Variants in SYT16 observed in about 807,000 individuals in gnomAD.
The protein encoded by SYT16 is synaptotagmin-16.
In SYT16, 42 loss-of-function variants were observed where a neutral mutation model predicts 61.4. The ratio of observed to expected loss-of-function variants is 0.68; its 90% CI spans 0.53 to 0.89. The LOEUF is 0.89. Among genes scored for constraint, SYT16 ranks in the 40% least tolerant of loss-of-function variants. The probability of loss-of-function intolerance (pLI) is 0.00; values close to 1 mark genes in which losing one functional copy is unlikely to be tolerated. For synonymous variants in SYT16, 314 were observed against 302.3 expected (o/e 1.04, Z -0.40); for missense variants, 804 against 807.3 (o/e 1.00, Z 0.05).
chr14:62,050,470 C>G (rs892425420), intron 3 of SYT16, among the ~76,000 whole-genome samples: 1 of 152,186 alleles, frequency 6.6e-6, no homozygotes, highest in South Asian at 2.1e-4. Flanking sequence ...CTTCTCTCAA[C>G]TCGTCAAAGT....
chr14:61,995,426 A>G (rs1377848322), intron 2 of SYT16, among the ~76,000 whole-genome samples: 1 of 152,144 alleles, frequency 6.6e-6, no homozygotes, highest in Non-Finnish European at 1.5e-5. Flanking sequence ...AAAGCTTTTT[A>G]ATTCCAGACA....
rs558162973 is a variant in SYT16 at position 61,816,811 on chromosome 14, A to C, written c.-325+4001A>C. Among the ~76,000 whole-genome samples, 5 of 151,398 alleles carry C rather than the reference A, an allele frequency of 3.3e-5. No individual in the cohort carries two copies. In the South Asian group the frequency reaches 1.0e-3, roughly 32 times the overall value. On this transcript the variant is annotated intron_variant, in intron 1 of 7. Transcript: ENST00000683842. The stretch of plus-strand genomic sequence containing the variant: ...CGGATCACGAGGTCAGGAGATGAAG[A>C]CCATCCTGGCTAACATGGTGAAACC...
At chr14:61,990,219 T>C (rs1489766213) in intron 2 of SYT16, among the ~76,000 whole-genome samples, 2 of 152,196 alleles carry the variant, frequency 1.3e-5, no homozygotes, top group African/African-American at 4.8e-5. Flanking sequence ...ACCAGGTCTA[T>C]GCAAAATGTC....
intron 1 of SYT16, among the ~76,000 whole-genome samples, chr14:61,855,324 T>G (rs530767816): frequency 2.2e-3 from 329 of 152,334 alleles, no homozygotes; most frequent in African/African-American, 7.8e-3. Flanking sequence ...CCTTGACTTA[T>G]GATGGGGTTG....
At chr14:61,976,589 G>C (rs1433529072) in intron 2 of SYT16, among the ~76,000 whole-genome samples, 2 of 152,204 alleles carry the variant, frequency 1.3e-5, no homozygotes, top group Non-Finnish European at 2.9e-5. Flanking sequence ...CTTGGGGCTT[G>C]TACTCTCTGA....
At chr14:61,864,782 A>G in intron 1 of SYT16, 1 of 933,352 alleles carries the variant, frequency 1.1e-6, no homozygotes. Context: ...GTTGGGCCCT[A>G]GTGTCTGCCA....
intron 3 of SYT16, among the ~76,000 whole-genome samples, chr14:62,041,520 T>G (rs1845601407): frequency 6.6e-6 from 1 of 152,166 alleles, no homozygotes; most frequent in South Asian, 2.1e-4. Flanking sequence ...ATTTTTTTAT[T>G]TTTTGAGATG....
chr14:62,080,984 C>G lies in SYT16; in HGVS notation c.1144C>G (p.Arg382Gly). Residue 382 changes from arginine (R) to glycine (G), a missense_variant, in exon 6 of 8, where the codon CGA becomes GGA. By Grantham distance (125) the Arg-to-Gly change is moderately radical. Transcript: ENST00000683842. Reference protein sequence around the residue: ...VRAQGLPDKDRSGVNSWQVHV... With the variant: ...VRAQGLPDKDGSGVNSWQVHV... ...GGCACAGGGCCTCCCAGATAAGGAC[C>G]GAAGTGGTGTCAACTCCTGGCAAGT... The G allele has an allele frequency of 6.2e-7, 1 of 1,613,030 alleles. No individual in the cohort carries two copies. The highest frequency in any genetic ancestry group is 8.5e-7 in the Non-Finnish European group (1 of 1,179,520).
At chr14:61,979,283 A>G (rs1375138280) in intron 2 of SYT16, among the ~76,000 whole-genome samples, 1 of 152,218 alleles carries the variant, frequency 6.6e-6, no homozygotes, top group Non-Finnish European at 1.5e-5. Flanking sequence ...GTAAATAACC[A>G]TCGTCAGCTT....
At chr14:61,968,111 A>G (rs2051391491) in intron 1 of SYT16, among the ~76,000 whole-genome samples, 1 of 152,074 alleles carries the variant, frequency 6.6e-6, no homozygotes, top group Non-Finnish European at 1.5e-5. Flanking sequence ...AAATACCAAA[A>G]TTAGCTGGGT....
At chr14:61,889,749 A>G (rs753472387) in intron 1 of SYT16, among the ~76,000 whole-genome samples, 2 of 151,946 alleles carry the variant, frequency 1.3e-5, no homozygotes, top group Non-Finnish European at 2.9e-5. Context: ...CCCTCCCTCA[A>G]TGCACCATCA....
intron 3 of SYT16, among the ~76,000 whole-genome samples, chr14:62,039,878 C>CACAT (rs71117864): frequency 2.9e-5 from 2 of 67,922 alleles, no homozygotes; most frequent in Non-Finnish European, 8.3e-5. Context: ...CACACACACA[C>CACAT]GCACATACAC....
intron 1 of SYT16, among the ~76,000 whole-genome samples, chr14:61,889,653 G>A (rs1196831939): frequency 6.7e-6 from 1 of 149,206 alleles, no homozygotes; most frequent in Admixed American, 6.7e-5. Flanking sequence ...CTGTCTCTCT[G>A]TCTTGCTCAC....
intron 1 of SYT16, among the ~76,000 whole-genome samples, chr14:61,915,686 T>G (rs1393549298): frequency 6.6e-6 from 1 of 152,180 alleles, no homozygotes. Flanking sequence ...GAAATAGATA[T>G]CTATATGAAG....
intron 1 of SYT16, among the ~76,000 whole-genome samples, chr14:61,937,446 C>G (rs1045134160): frequency 6.6e-6 from 1 of 152,174 alleles, no homozygotes; most frequent in Non-Finnish European, 1.5e-5. Context: ...ACTTACTTAG[C>G]TTTTAGATTT....
chr14:61,859,012 G>GCA (rs2046874917), intron 1 of SYT16, among the ~76,000 whole-genome samples: 1 of 145,244 alleles, frequency 6.9e-6, no homozygotes, highest in Non-Finnish European at 1.5e-5. Context: ...CCACCACTAC[G>GCA]CCCGGCTAAT....
chr14:61,820,834 C>T lies in SYT16; in HGVS notation c.-325+8024C>T, dbSNP rs537564511. On this transcript the variant is annotated intron_variant, in intron 1 of 7. Coordinates refer to ENST00000683842, the MANE Select transcript of SYT16 (RefSeq NM_001367656.1). ...AATTTCTGGCTGTTCCATTATTGAG[C>T]TTTAAAAAAGCTTAATATGCTAGTA... Among the ~76,000 whole-genome samples the T allele has an allele frequency of 2.0e-5, 3 of 152,228 alleles. No individual in the cohort carries two copies. In the South Asian group the frequency reaches 6.2e-4, roughly 32 times the overall value.
chr14:62,029,648 A>G (rs2054236195), intron 3 of SYT16, among the ~76,000 whole-genome samples: 1 of 152,132 alleles, frequency 6.6e-6, no homozygotes, highest in South Asian at 2.1e-4. Flanking sequence ...AAATTGATAA[A>G]CTATGCCCTA....
At chr14:62,100,126 C>T (rs554509232) in intron 7 of SYT16, among the ~76,000 whole-genome samples, 1 of 152,286 alleles carries the variant, frequency 6.6e-6, no homozygotes, top group South Asian at 2.1e-4. Context: ...ATGTATACAC[C>T]CTGTGCATGT....
Sources: allele counts gnomAD v4.1 joint callset (sites outside exome capture counted in the v4.1 genomes callset), GRCh38; gene constraint gnomAD v4.1.1; transcripts MANE v1.5; gene names NCBI Gene and HGNC (gene_info 2026-07-23, HGNC 2026-07-21).